MCTP1: variants seen among roughly 807,000 people sequenced by gnomAD.
MCTP1 encodes multiple C2 and transmembrane domain-containing protein 1.
In MCTP1, 69 loss-of-function variants were observed where a neutral mutation model predicts 120.6. That is an observed-to-expected ratio of 0.57 (90% CI 0.47 to 0.70). The LOEUF (loss-of-function observed/expected upper bound fraction) is 0.70, where lower values mean the gene tolerates loss of function less well. Among genes scored for constraint, MCTP1 ranks in the 30% least tolerant of loss-of-function variants. The probability of loss-of-function intolerance (pLI) is 0.00; values close to 1 mark genes in which losing one functional copy is unlikely to be tolerated. For missense variants in MCTP1, 1,203 were observed against 1,248.8 expected, an observed-to-expected ratio of 0.96 and a Z score of 0.55; for synonymous variants, 529 against 493.1, an observed-to-expected ratio of 1.07 and a Z score of -0.96.
At chr5:95,168,525 T>A (rs1290845090) in intron 1 of MCTP1, among the ~76,000 whole-genome samples, 1 of 152,256 alleles carries the variant, frequency 6.6e-6, no homozygotes, top group Non-Finnish European at 1.5e-5. Flanking sequence ...TACCTATCCA[T>A]GAGCATGGAA....
intron 1 of MCTP1, among the ~76,000 whole-genome samples, chr5:95,141,075 T>A (rs1158153571): frequency 6.6e-6 from 1 of 152,110 alleles, no homozygotes; most frequent in Non-Finnish European, 1.5e-5. Flanking sequence ...GGAGTTTACC[T>A]ATGCCATCTC....
chr5:95,030,364 T>C (rs969983968), intron 1 of MCTP1, among the ~76,000 whole-genome samples: 3 of 152,182 alleles, frequency 2.0e-5, no homozygotes, highest in Admixed American at 2.0e-4. Flanking sequence ...AACTGCTATA[T>C]ACTGGACTGA....
intron 2 of MCTP1, among the ~76,000 whole-genome samples, chr5:94,977,416 A>G (rs1470963389): frequency 6.6e-6 from 1 of 152,126 alleles, no homozygotes; most frequent in Non-Finnish European, 1.5e-5. Context: ...CTATAGATTC[A>G]ATGAAATCTC....
intron 2 of MCTP1, among the ~76,000 whole-genome samples, chr5:94,996,377 T>C (rs1178263803): frequency 2.6e-5 from 4 of 152,198 alleles, no homozygotes; most frequent in Non-Finnish European, 4.4e-5. Context: ...CAGGCAATGC[T>C]GCATGCTATT....
At chr5:94,759,474 T>C (rs1268954515) in intron 19 of MCTP1, among the ~76,000 whole-genome samples, 1 of 152,170 alleles carries the variant, frequency 6.6e-6, no homozygotes, top group African/African-American at 2.4e-5. Context: ...ACAGCTAATA[T>C]AGTGCATTAA....
chr5:94,982,146 G>T (rs1006848507), intron 2 of MCTP1, among the ~76,000 whole-genome samples: 2 of 152,022 alleles, frequency 1.3e-5, no homozygotes, highest in Non-Finnish European at 2.9e-5. Context: ...TAACCTAAAG[G>T]TTAATGATAC....
intron 3 of MCTP1, among the ~76,000 whole-genome samples, chr5:94,950,553 A>T (rs547692851): frequency 1.7e-4 from 26 of 152,284 alleles, no homozygotes; most frequent in African/African-American, 6.3e-4. Context: ...ATATATATAG[A>T]GTATATGTAT....
chr5:94,993,895 G>C (rs564164710), intron 2 of MCTP1, among the ~76,000 whole-genome samples: 1 of 152,298 alleles, frequency 6.6e-6, no homozygotes, highest in African/African-American at 2.4e-5. Flanking sequence ...ATAGATTTCA[G>C]ACACATGCTC....
Position 94,954,157 on chromosome 5 carries a change from T to C in MCTP1, c.839-796A>G, listed in dbSNP as rs1271511604. Among the ~76,000 whole-genome samples, 19 of 103,958 alleles carry C rather than the reference T, an allele frequency of 1.8e-4. 5 individuals carry two copies. The highest frequency in any genetic ancestry group is 6.4e-4 in the Admixed American group (6 of 9,438). The allele number at this position is 103,958 out of a possible 152,430, so 68.2% of individuals were successfully genotyped here. A position where few individuals can be genotyped will look rare whatever the true frequency, so the allele number is the denominator to read the frequency against. On this transcript the variant is annotated intron_variant, in intron 2 of 22. Coordinates refer to ENST00000515393, the MANE Select transcript of MCTP1 (RefSeq NM_024717.7). The stretch of plus-strand genomic sequence containing the variant: ...ATATGCATATATATACATATATATA[T>C]GCATATATATACATATATATATATG...
At chr5:95,114,219 G>A (rs1305872911) in intron 1 of MCTP1, among the ~76,000 whole-genome samples, 1 of 152,216 alleles carries the variant, frequency 6.6e-6, no homozygotes, top group Non-Finnish European at 1.5e-5. Flanking sequence ...CTCAGCTATG[G>A]TGTTATGAGG....
At chr5:95,039,983 C>G (rs115413054) in intron 1 of MCTP1, among the ~76,000 whole-genome samples, 301 of 151,820 alleles carry the variant, frequency 2.0e-3, no homozygotes, top group Middle Eastern at 3.4e-3. Flanking sequence ...TTTAAAACTT[C>G]CTCATAACAG....
rs549340204 is a variant in MCTP1 at position 95,007,831 on chromosome 5, T to TG, written c.838+9535dup. Among the ~76,000 whole-genome samples the TG allele has an allele frequency of 4.6e-5, 7 of 152,302 alleles. No homozygotes were observed. In the South Asian group the frequency reaches 1.4e-3, roughly 32 times the overall value. On this transcript the variant is annotated intron_variant, in intron 2 of 22. Transcript: ENST00000515393. ...TTGAAAATATTGTTCTCACAACACTTGCAAACTTTTCTTTAGCAATAACAC... is the reference window on the plus strand; with the variant it reads ...TTGAAAATATTGTTCTCACAACACTTGGCAAACTTTTCTTTAGCAATAACAC...
At chr5:94,955,246 G>A (rs1822271693) in intron 2 of MCTP1, among the ~76,000 whole-genome samples, 1 of 152,212 alleles carries the variant, frequency 6.6e-6, no homozygotes, top group Non-Finnish European at 1.5e-5. Context: ...CAGATACTAT[G>A]CTTTTCCCAT....
At chr5:94,973,363 A>G (rs1227987688) in intron 2 of MCTP1, among the ~76,000 whole-genome samples, 5 of 152,176 alleles carry the variant, frequency 3.3e-5, no homozygotes, top group African/African-American at 1.2e-4. Flanking sequence ...TGGTTCCCCC[A>G]TGAGAGACAA....
chr5:95,203,747 A>G (rs1452763695), intron 1 of MCTP1, among the ~76,000 whole-genome samples: 2 of 152,246 alleles, frequency 1.3e-5, no homozygotes, highest in African/African-American at 4.8e-5. Flanking sequence ...TGCTGTTTGA[A>G]AAGCGGCAGA....
chr5:94,991,056 A>ACT (rs1831462787), intron 2 of MCTP1, among the ~76,000 whole-genome samples: 2 of 152,232 alleles, frequency 1.3e-5, no homozygotes, highest in South Asian at 4.1e-4. Context: ...TAGGAGAAAA[A>ACT]TTGCCTCACA....
chr5:94,769,670 AT>A (rs1773624529), intron 19 of MCTP1, among the ~76,000 whole-genome samples: 1 of 152,160 alleles, frequency 6.6e-6, no homozygotes, highest in Non-Finnish European at 1.5e-5. Context: ...TACTCTAAAA[AT>A]TTATTAGACT....
At chr5:94,826,355 G>T in intron 17 of MCTP1, 2 of 564,076 alleles carry the variant, frequency 3.5e-6, no homozygotes, top group Non-Finnish European at 6.5e-6. Flanking sequence ...AGGATTTGAT[G>T]AAGGCAAAGA....
At chr5:95,003,273 C>T (rs1265985106) in intron 2 of MCTP1, among the ~76,000 whole-genome samples, 1 of 151,980 alleles carries the variant, frequency 6.6e-6, no homozygotes, top group Non-Finnish European at 1.5e-5. Flanking sequence ...TCTACTGTAC[C>T]TTTTCTATGT....
Sources: gnomAD v4.1 joint callset for allele counts (sites outside exome capture counted in the v4.1 genomes callset) on GRCh38, gnomAD v4.1.1 for gene constraint, MANE v1.5 for transcripts, NCBI Gene and HGNC (gene_info 2026-07-23, HGNC 2026-07-21) for gene names.